RIT2: variants seen among roughly 807,000 people sequenced by gnomAD.
RIT2 encodes GTP-binding protein Rit2.
A neutral mutation model predicts 23.7 loss-of-function variants in RIT2; 24 were observed. The observed-to-expected ratio is 1.01, with a 90% CI of 0.73 to 1.43. The LOEUF (loss-of-function observed/expected upper bound fraction) is 1.43. RIT2 is among the 40% of genes most tolerant of loss of function. RIT2 has a pLI of 0.00. For missense variants in RIT2, 236 were observed against 266.9 expected, an observed-to-expected ratio of 0.88 and a Z score of 0.81; for synonymous variants, 107 against 91.1, an observed-to-expected ratio of 1.17 and a Z score of -0.99.
At chr18:43,068,303 G>C (rs1006368803) in intron 1 of RIT2, among the ~76,000 whole-genome samples, 1 of 152,134 alleles carries the variant, frequency 6.6e-6, no homozygotes, top group African/African-American at 2.4e-5. Flanking sequence ...CACACAGGTA[G>C]TTAGGGTTAG....
intron 4 of RIT2, among the ~76,000 whole-genome samples, chr18:42,888,701 C>T (rs112727711): frequency 0.025 from 3,853 of 151,994 alleles, 162 homozygotes; most frequent in African/African-American, 0.086. Context: ...AAATGCAGTA[C>T]ATATACACCA....
At position 42,863,335 on chromosome 18, in the gene RIT2, G is replaced by A. The variant is rs183840263; in HGVS notation, c.426+60237C>T. Among the ~76,000 whole-genome samples, 663 of 152,106 alleles carry A rather than the reference G, an allele frequency of 4.4e-3. 8 individuals are homozygous for A. The highest frequency in any genetic ancestry group is 6.5e-3 in the Non-Finnish European group (443 of 67,984). On this transcript the variant is annotated intron_variant, in intron 4 of 4. Transcript: ENST00000326695. ...ATTTATCTTAGACTTCTCATCATTC[G>A]AAAGGACACTTTGAAAAAGCTTGAC...
chr18:42,752,859 C>A (rs538483687), intron 4 of RIT2, among the ~76,000 whole-genome samples: 19 of 151,950 alleles, frequency 1.3e-4, no homozygotes, highest in Non-Finnish European at 1.5e-4. Flanking sequence ...AAAGAAGGAA[C>A]GTTTTTGATT....
chr18:43,004,324 A>G (rs951509295), intron 2 of RIT2, among the ~76,000 whole-genome samples: 1 of 151,578 alleles, frequency 6.6e-6, no homozygotes, highest in African/African-American at 2.4e-5. Flanking sequence ...AGTTCTCCCT[A>G]CTCTGCTTAG....
chr18:42,815,960 G>T (rs1568003475), intron 4 of RIT2, among the ~76,000 whole-genome samples: 1 of 152,122 alleles, frequency 6.6e-6, no homozygotes, highest in Non-Finnish European at 1.5e-5. Context: ...AATTAATGGC[G>T]AGAGACAGTT....
chr18:42,763,816 A>G (rs917975011), intron 4 of RIT2, among the ~76,000 whole-genome samples: 2 of 152,250 alleles, frequency 1.3e-5, no homozygotes, highest in Non-Finnish European at 2.9e-5. Context: ...AGTTTTTTCT[A>G]TTTTAAAAAT....
intron 2 of RIT2, among the ~76,000 whole-genome samples, chr18:42,995,920 T>G (rs1462657259): frequency 6.6e-6 from 1 of 152,212 alleles, no homozygotes; most frequent in Non-Finnish European, 1.5e-5. Flanking sequence ...ACTGCTGGTT[T>G]ACACTGTTTC....
intron 1 of RIT2, among the ~76,000 whole-genome samples, chr18:43,045,668 C>T (rs1209290674): frequency 1.3e-5 from 2 of 152,144 alleles, no homozygotes; most frequent in East Asian, 1.9e-4. Context: ...CAACTACCTA[C>T]CTTATCAGAA....
intron 4 of RIT2, among the ~76,000 whole-genome samples, chr18:42,828,529 T>C (rs918887357): frequency 6.6e-6 from 1 of 152,216 alleles, no homozygotes; most frequent in Non-Finnish European, 1.5e-5. Context: ...TAGAAAATAA[T>C]TAACGAAGTC....
At chr18:42,807,502 A>AGGC (rs1905716280) in intron 4 of RIT2, among the ~76,000 whole-genome samples, 1 of 152,126 alleles carries the variant, frequency 6.6e-6, no homozygotes, top group African/African-American at 2.4e-5. Flanking sequence ...CTGTAATCCC[A>AGGC]ACTACTGAGG....
chr18:42,752,901 T>C (rs575450511), intron 4 of RIT2, among the ~76,000 whole-genome samples: 105 of 152,176 alleles, frequency 6.9e-4, no homozygotes, highest in Non-Finnish European at 1.2e-3. Context: ...TAGAAAGCAA[T>C]GGCAGAAAAG....
At chr18:42,798,527 A>G (rs1490424139) in intron 4 of RIT2, among the ~76,000 whole-genome samples, 1 of 152,274 alleles carries the variant, frequency 6.6e-6, no homozygotes, top group African/African-American at 2.4e-5. Context: ...ATAAAGTATT[A>G]CAAAAACAAA....
At chr18:43,016,411 A>AG (rs1288562617) in intron 2 of RIT2, among the ~76,000 whole-genome samples, 1 of 151,906 alleles carries the variant, frequency 6.6e-6, no homozygotes. Context: ...TTTACAAATA[A>AG]GAAAAAAAGG....
intron 3 of RIT2, among the ~76,000 whole-genome samples, chr18:42,941,752 C>T (rs1453776917): frequency 6.6e-6 from 1 of 152,020 alleles, no homozygotes; most frequent in African/African-American, 2.4e-5. Flanking sequence ...TGCTGTTGGT[C>T]AAGCATTGTT....
At chr18:43,084,088 A>G (rs754072760) in intron 1 of RIT2, among the ~76,000 whole-genome samples, 5 of 152,184 alleles carry the variant, frequency 3.3e-5, no homozygotes, top group African/African-American at 7.2e-5. Flanking sequence ...ATGAACAGAC[A>G]TTTCTCAAAA....
At chr18:43,035,496 T>C (rs1346834509) in intron 1 of RIT2, among the ~76,000 whole-genome samples, 2 of 152,182 alleles carry the variant, frequency 1.3e-5, no homozygotes. Context: ...TCAGTCAGGC[T>C]CCTCTGAACC....
Position 43,033,877 on chromosome 18 carries a change from A to G in RIT2, c.104-10T>C, listed in dbSNP as rs751038765. On this transcript the variant is annotated splice_polypyrimidine_tract_variant and intron_variant, in intron 1 of 4. Transcript: ENST00000326695. ...AACTGCATTGTCATTGCTGAAAGAAAAAAAACACATTTTGTTTAATAAAAA... is the reference window on the plus strand; with the variant it reads ...AACTGCATTGTCATTGCTGAAAGAAGAAAAACACATTTTGTTTAATAAAAA... 1.3e-6 allele frequency: 2 copies of G among 1,575,932 alleles called. No homozygotes were observed. Among genetic ancestry groups the G allele is most frequent in the Non-Finnish European group, 1.7e-6 (2 of 1,148,386 alleles).
intron 1 of RIT2, among the ~76,000 whole-genome samples, chr18:43,108,536 G>C (rs959807213): frequency 3.3e-5 from 5 of 152,150 alleles, no homozygotes; most frequent in African/African-American, 1.2e-4. Context: ...TGGGCTCATT[G>C]AGGGATTATT....
chr18:42,940,236 CTA>C lies in RIT2; in HGVS notation c.235-16475_235-16474del, dbSNP rs5824460. The stretch of plus-strand genomic sequence containing the variant: ...CCTCTCTCAAATTTTGAAAGGCTCA[CTA>C]TATATATATATATATATATATATAT... On this transcript the variant is annotated intron_variant, in intron 3 of 4. Coordinates refer to ENST00000326695, the MANE Select transcript of RIT2 (RefSeq NM_002930.4). 9.4e-3 allele frequency among the ~76,000 whole-genome samples: 813 copies of C among 86,848 alleles called. 3 individuals are homozygous for C. Among genetic ancestry groups the C allele is most frequent in the South Asian group, 0.018 (39 of 2,146 alleles). 57.0% of individuals were successfully genotyped at this position (86,848 alleles called of 152,430 possible). A position where few individuals can be genotyped will look rare whatever the true frequency, so the allele number is the denominator to read the frequency against.
Sources: allele counts gnomAD v4.1 joint callset (sites outside exome capture counted in the v4.1 genomes callset), GRCh38; gene constraint gnomAD v4.1.1; transcripts MANE v1.5; gene names NCBI Gene and HGNC (gene_info 2026-07-23, HGNC 2026-07-21).